The following COL1A1 variants were observed in gnomAD, a reference collection of about 807,000 sequenced individuals.
The protein encoded by COL1A1 is collagen type I alpha 1 chain.
Under a neutral mutation model 195.7 loss-of-function variants are expected in COL1A1, and 21 were observed. The ratio of observed to expected loss-of-function variants is 0.11; its 90% confidence interval spans 0.08 to 0.15. COL1A1 has a LOEUF of 0.15. COL1A1 is among the 10% of genes least tolerant of loss of function. COL1A1 has a pLI of 1.00. For missense variants in COL1A1, 1,365 were observed against 2,051.0 expected (o/e 0.67, Z 6.46); for synonymous variants, 749 against 747.3 (o/e 1.00, Z -0.04).
rs1284106767 is a variant in COL1A1 at position 50,194,949 on chromosome 17, C to A, written c.1353+98G>T. The stretch of plus-strand genomic sequence containing the variant: ...TCCTGGGGGTGTGGCAGGGACTCCC[C>A]CAGAAGACTAGGGGCTCCTCTTCCT... On this transcript the variant is annotated intron_variant, in intron 20 of 50. Transcript: ENST00000225964. This position sits in a 1 kb window ranked among gnomAD's most constrained non-coding sequence, Gnocchi z 6.8. The A allele has an allele frequency of 6.7e-7, 1 of 1,488,614 alleles. No homozygotes were observed. Among genetic ancestry groups the A allele is most frequent in the African/African-American group, 1.4e-5 (1 of 72,198 alleles). 92.2% of individuals were successfully genotyped at this position (1,488,614 alleles called of 1,614,324 possible).
Position 50,186,986 on chromosome 17 carries a change from A to T in COL1A1, c.3531+29T>A. 6.2e-7 allele frequency: 1 copy of T among 1,611,246 alleles called. No homozygotes were observed. Among genetic ancestry groups the T allele is most frequent in the Non-Finnish European group, 8.5e-7 (1 of 1,177,932 alleles). ...CAAGTGCTTTGGGGGCTGGAGGGCC[A>T]TGAGCAGAGGGGATGAGGGGCTACA... On this transcript the variant is annotated intron_variant, in intron 47 of 50. Transcript: ENST00000225964. The surrounding 1 kb of genome is among the most constrained non-coding windows in gnomAD (Gnocchi z 5.3).
In COL1A1 at chr17:50,197,604, C is replaced by T. The variant is rs1031088463; in HGVS notation, c.696+128G>A. Reference sequence around the variant, plus strand: ...AAAAGATCATTGTTCCAGGGCAGTCCGTGCATCAGAGAGGACTTGCCCTCC... The same window carrying T: ...AAAAGATCATTGTTCCAGGGCAGTCTGTGCATCAGAGAGGACTTGCCCTCC... On this transcript the variant is annotated intron_variant, in intron 9 of 50. Transcript: ENST00000225964. The T allele has an allele frequency of 3.0e-5, 23 of 774,854 alleles. 1 individual carries two copies. Among genetic ancestry groups the T allele is most frequent in the Admixed American group, 9.3e-5 (4 of 42,954 alleles). 48.0% of individuals were successfully genotyped at this position (774,854 alleles called of 1,614,324 possible).
rs1907927415 is a variant in COL1A1 at position 50,199,832 on chromosome 17, C to T, written c.219G>A (p.Val73=). The change falls in exon 2 of 51, where the codon GTG becomes GTA. Residue 73 remains valine (V), a synonymous_variant. Transcript: ENST00000225964. ...CDNGKVLCDD[V]ICDETKNCPG... is the part of the protein sequence containing the mutation. Reference sequence around the variant, plus strand: ...GGCAGTTCTTGGTCTCGTCACAGATCACGTCATCGCACAACACCTTGCCGT... The same window carrying T: ...GGCAGTTCTTGGTCTCGTCACAGATTACGTCATCGCACAACACCTTGCCGT... 1 of 1,614,186 alleles carries T rather than the reference C, an allele frequency of 6.2e-7. No homozygotes were observed. The highest frequency in any genetic ancestry group is 8.5e-7 in the Non-Finnish European group (1 of 1,180,032).
rs193922150 is a variant in COL1A1, at chr17:50,189,878, C to T, written c.2594G>A (p.Arg865His). 30 of 1,609,956 alleles carry T rather than the reference C, an allele frequency of 1.9e-5. No individual in the cohort carries two copies. The highest frequency in any genetic ancestry group is 1.7e-4 in the Admixed American group (10 of 59,306). ...NVGAPGAKGA[R>H]GSAGPPGATG... ...ACTCACAGGGGGACCAGCGCTGCCG[C>T]GAGCACCTTTGGCTCCAGGAGCACC... The change falls in exon 37 of 51, where the codon CGC (arginine) becomes CAC (histidine). Residue 865 changes from arginine (R) to histidine (H), a missense_variant. This residue lies in a region of COL1A1 where 671 missense variants were observed against 1,099.9 expected (regional missense o/e 0.61). Coordinates refer to ENST00000225964, the MANE Select transcript of COL1A1 (RefSeq NM_000088.4). This position sits in a 1 kb window ranked among gnomAD's most constrained non-coding sequence, Gnocchi z 5.5.
In COL1A1 at chr17:50,190,259, C is replaced by T. The variant is rs2144554043; in HGVS notation, c.2451+68G>A. The T allele has an allele frequency of 7.5e-7, 1 of 1,334,384 alleles. No individual in the cohort carries two copies. Among genetic ancestry groups the T allele is most frequent in the South Asian group, 1.2e-5 (1 of 85,576 alleles). The allele number at this position is 1,334,384 out of a possible 1,614,324, so 82.7% of individuals were successfully genotyped here. On this transcript the variant is annotated intron_variant, in intron 35 of 50. Coordinates refer to ENST00000225964, the MANE Select transcript of COL1A1 (RefSeq NM_000088.4). This position sits in a 1 kb window ranked among gnomAD's most constrained non-coding sequence, Gnocchi z 4.7. ...CCTGAGGATGGCTGACGCCTTTGTC[C>T]TCATTCCGTCCCTCGAGGTCCCAGG...
In COL1A1 at chr17:50,195,747, C is replaced by T. The variant is rs899855323; in HGVS notation, c.1057-82G>A. On this transcript the variant is annotated intron_variant, in intron 16 of 50. Coordinates refer to ENST00000225964, the MANE Select transcript of COL1A1 (RefSeq NM_000088.4). The surrounding 1 kb of genome is among the most constrained non-coding windows in gnomAD (Gnocchi z 4.3). ...TCGGGATGGCAGGAGGAAGGGGAGA[C>T]AGGGACAGGAGAGCAATGATCAGGA... is the stretch of plus-strand genomic sequence containing the variant. 20 of 1,438,530 alleles carry T rather than the reference C, an allele frequency of 1.4e-5. No homozygotes were observed. The highest frequency in any genetic ancestry group is 1.8e-5 in the Non-Finnish European group (19 of 1,035,242). 89.1% of individuals were successfully genotyped at this position (1,438,530 alleles called of 1,614,324 possible). A position where few individuals can be genotyped will look rare whatever the true frequency, so the allele number is the denominator to read the frequency against.
chr17:50,190,516 G>T lies in COL1A1; in HGVS notation c.2397+27C>A. On this transcript the variant is annotated intron_variant, in intron 34 of 50. Coordinates refer to ENST00000225964, the MANE Select transcript of COL1A1 (RefSeq NM_000088.4). The surrounding 1 kb of genome is among the most constrained non-coding windows in gnomAD (Gnocchi z 4.7). Reference sequence around the variant, plus strand: ...TGAAGGGAGGGAAGGGCCAAGTATGGGGTCTTAACAGGTCTTCTGTACTTA... The same window carrying T: ...TGAAGGGAGGGAAGGGCCAAGTATGTGGTCTTAACAGGTCTTCTGTACTTA... The T allele has an allele frequency of 6.2e-7, 1 of 1,612,886 alleles. No homozygotes were observed. Among genetic ancestry groups the T allele is most frequent in the Non-Finnish European group, 8.5e-7 (1 of 1,179,168 alleles).
At chr17:50,192,922 C>A in intron 26 of COL1A1, 72 bp from the exon 27 acceptor site, 1 of 1,612,762 alleles carries the variant, frequency 6.2e-7, no homozygotes, top group Non-Finnish European at 8.5e-7. Context: ...GCCTCTAGCA[C>A]CCCTCCTGCA....
Position 50,195,139 on chromosome 17 carries a change from G to C in COL1A1, c.1300-39C>G. 6.2e-7 allele frequency: 1 copy of C among 1,609,550 alleles called. No individual in the cohort carries two copies. The highest frequency in any genetic ancestry group is 1.1e-5 in the South Asian group (1 of 90,994). On this transcript the variant is annotated intron_variant, in intron 19 of 50. Transcript: ENST00000225964. The surrounding 1 kb of genome is among the most constrained non-coding windows in gnomAD (Gnocchi z 4.3). ...GAAGAGGATGAGCTGAGAGTCGGGG[G>C]CGCTCAGTTGGCCTGCGTCTTCCTG...
intron 50 of COL1A1, 28 bp from the exon 51 acceptor site, chr17:50,185,676 G>A (rs375529943): frequency 4.8e-4 from 773 of 1,612,652 alleles, no homozygotes; most frequent in Non-Finnish European, 6.0e-4. Context: ...CAACGGGAGG[G>A]GGCATTACCA....
In COL1A1 at chr17:50,191,836, A is replaced by C; in HGVS notation, c.2079T>G (p.Pro693=). 6.2e-7 allele frequency: 1 copy of C among 1,603,132 alleles called. No homozygotes were observed. Among genetic ancestry groups the C allele is most frequent in the South Asian group, 1.1e-5 (1 of 89,098 alleles). ...GERGVQGPPG[P]AGPRGANGAP... ...CACCGTTGGCCCCTCGGGGACCAGC[A>C]GGACCAGGGGGACCTTGCACACCAC... is the stretch of plus-strand genomic sequence containing the variant. The change falls in exon 31 of 51, where the codon CCT becomes CCG. Residue 693 remains proline, a synonymous_variant. Coordinates refer to ENST00000225964, the MANE Select transcript of COL1A1 (RefSeq NM_000088.4).
In COL1A1 at chr17:50,194,461, G is replaced by A. The variant is rs1437177152; in HGVS notation, c.1516-14C>T. 3.1e-6 allele frequency: 5 copies of A among 1,613,866 alleles called. No homozygotes were observed. The highest frequency in any genetic ancestry group is 4.2e-6 in the Non-Finnish European group (5 of 1,179,844). The stretch of plus-strand genomic sequence containing the variant: ...ACCAGCGGGACCCTGGTTGGGGGAA[G>A]TCACAGGAACAGTTAGGGTCTCAAG... On this transcript the variant is annotated splice_polypyrimidine_tract_variant and intron_variant, in intron 22 of 50. Coordinates refer to ENST00000225964, the MANE Select transcript of COL1A1 (RefSeq NM_000088.4). The surrounding 1 kb of genome is among the most constrained non-coding windows in gnomAD (Gnocchi z 6.8).
At chr17:50,193,857 G>A in intron 25 of COL1A1, 86 bp downstream of exon 25, 3 of 1,217,688 alleles carry the variant, frequency 2.5e-6, no homozygotes, top group Non-Finnish European at 3.6e-6. Flanking sequence ...CAGGTCAGCG[G>A]CACAGCTGAG....
rs1567751994 is a variant in COL1A1, at chr17:50,186,007, C to T, written c.4019G>A (p.Gly1340Asp). The T allele has an allele frequency of 3.1e-6, 5 of 1,613,190 alleles. No homozygotes were observed. Among genetic ancestry groups the T allele is most frequent in the Non-Finnish European group, 4.2e-6 (5 of 1,179,990 alleles). Residue 1340 changes from glycine (G) to aspartate (D), a missense_variant, in exon 50 of 51, where the codon GGC (glycine) becomes GAC (aspartate). By Grantham distance (94) the Gly-to-Asp change is moderately conservative (BLOSUM62 -1). Coordinates refer to ENST00000225964, the MANE Select transcript of COL1A1 (RefSeq NM_000088.4). The surrounding 1 kb of genome is among the most constrained non-coding windows in gnomAD (Gnocchi z 5.3). ...CACATCGGCAGGGTCGGAGCCCTGGCCGCCATACTCGAACTGCAGGGGAGG... is the reference window on the plus strand; with the variant it reads ...CACATCGGCAGGGTCGGAGCCCTGGTCGCCATACTCGAACTGCAGGGGAGG... ...MTDGFQFEYG[G>D]QGSDPADVAI...
intron 25 of COL1A1, chr17:50,193,742 A>G: frequency 1.6e-6 from 1 of 610,484 alleles, no homozygotes; most frequent in Non-Finnish European, 3.0e-6. Flanking sequence ...TGGCCTCCCA[A>G]AGTGCTGGGA....
chr17:50,196,940 G>A (rs756382815), intron 11 of COL1A1, 70 bp downstream of exon 11: 8 of 1,552,672 alleles, frequency 5.2e-6, no homozygotes, highest in Non-Finnish European at 7.1e-6. Flanking sequence ...TATCTTTTGG[G>A]GAAGAGGTTG....
intron 5 of COL1A1, 40 bp downstream of exon 5, chr17:50,199,186 A>G: frequency 2.1e-6 from 3 of 1,429,794 alleles, no homozygotes; most frequent in Non-Finnish European, 2.8e-6. Context: ...AAACAAAAAC[A>G]AAACAGGGGA....
chr17:50,200,102 C>T, intron 1 of COL1A1, 155 bp from the exon 2 acceptor site: 1 of 837,198 alleles, frequency 1.2e-6, no homozygotes, highest in Non-Finnish European at 2.0e-6. Flanking sequence ...GCCTGCTCCT[C>T]ATCAGCGCGG....
chr17:50,188,735 A>G lies in COL1A1; in HGVS notation c.3099+7T>C, dbSNP rs201682029. 1,838 of 1,614,018 alleles carry G rather than the reference A, an allele frequency of 1.1e-3. 3 individuals are homozygous for G. Among genetic ancestry groups the G allele is most frequent in the Non-Finnish European group, 1.4e-3 (1,684 of 1,179,946 alleles). On this transcript the variant is annotated splice_region_variant and intron_variant, in intron 42 of 50. Transcript: ENST00000225964. This position sits in a 1 kb window ranked among gnomAD's most constrained non-coding sequence, Gnocchi z 5.6. ...AAGGCTGTGGTCATGGAGTGTTGCC[A>G]TCTTACCTTGGCGCCAGGAGAACCG...
Sources: gnomAD v4.1 joint callset for allele counts on GRCh38, gnomAD v4.1.1 for gene constraint, gnomAD v4.1.1 regional missense constraint, Gnocchi (gnomAD v3.1) non-coding constraint, MANE v1.5 for transcripts, NCBI Gene and HGNC (gene_info 2026-07-23, HGNC 2026-07-21) for gene names.